Variants in CNTN5 observed in about 807,000 individuals in gnomAD.
CNTN5 encodes the protein contactin 5, also known as contactin-5.
CNTN5 carries 77 observed loss-of-function variants against 129.1 expected under a neutral mutation model. That is an observed-to-expected ratio of 0.60 (90% CI 0.50 to 0.72). CNTN5 has a LOEUF of 0.72. CNTN5 is among the 30% of genes least tolerant of loss of function. The pLI, the probability that CNTN5 is intolerant of heterozygous loss-of-function variation, is 0.00. For synonymous variants in CNTN5, 509 were observed against 465.6 expected (o/e 1.09, Z -1.20); for missense variants, 1,478 against 1,328.8 (o/e 1.11, Z -1.75).
At chr11:100,251,143 T>C (rs568345356) in intron 16 of CNTN5, among the ~76,000 whole-genome samples, 2 of 152,318 alleles carry the variant, frequency 1.3e-5, no homozygotes, top group East Asian at 1.9e-4. Context: ...CAGTTAGCCA[T>C]TGCTGCCCCA....
intron 2 of CNTN5, among the ~76,000 whole-genome samples, chr11:99,537,285 G>C (rs551809569): frequency 1.3e-5 from 2 of 152,176 alleles, no homozygotes; most frequent in East Asian, 3.9e-4. Context: ...GAAAATTACA[G>C]AATACATATC....
At chr11:100,137,262 T>C (rs1946557306) in intron 13 of CNTN5, among the ~76,000 whole-genome samples, 2 of 152,098 alleles carry the variant, frequency 1.3e-5, no homozygotes, top group Admixed American at 1.3e-4. Context: ...GTTTTACCCA[T>C]ATAGGAGGCT....
At chr11:99,837,316 A>C (rs1450020672) in intron 4 of CNTN5, among the ~76,000 whole-genome samples, 3 of 152,164 alleles carry the variant, frequency 2.0e-5, no homozygotes, top group Non-Finnish European at 4.4e-5. Context: ...ACTATAACAA[A>C]TTACTTCTTA....
intron 2 of CNTN5, among the ~76,000 whole-genome samples, chr11:99,332,664 G>A (rs1390020298): frequency 6.6e-6 from 1 of 151,974 alleles, no homozygotes; most frequent in African/African-American, 2.4e-5. Context: ...AGGAGAATTG[G>A]CAACCACGCC....
chr11:100,067,509 G>A (rs1943743710), intron 10 of CNTN5, among the ~76,000 whole-genome samples: 2 of 151,308 alleles, frequency 1.3e-5, no homozygotes, highest in Non-Finnish European at 2.9e-5. Context: ...GCAACATAGA[G>A]ATAAAGCTAC....
At chr11:99,655,863 T>A (rs912161295) in intron 3 of CNTN5, among the ~76,000 whole-genome samples, 2 of 152,030 alleles carry the variant, frequency 1.3e-5, no homozygotes, top group African/African-American at 4.8e-5. Flanking sequence ...TCCAAATAAA[T>A]GTGTGAACTT....
At chr11:99,716,492 T>A (rs1955237230) in intron 3 of CNTN5, among the ~76,000 whole-genome samples, 1 of 151,988 alleles carries the variant, frequency 6.6e-6, no homozygotes, top group Admixed American at 6.6e-5. Flanking sequence ...ATGTTGACAT[T>A]AATCACCTTC....
intron 8 of CNTN5, among the ~76,000 whole-genome samples, chr11:99,982,213 G>A (rs575636701): frequency 1.1e-4 from 17 of 152,328 alleles, no homozygotes; most frequent in Admixed American, 8.5e-4. Context: ...GGCTATGGTA[G>A]TCAAGTGGAA....
At chr11:100,041,571 T>C (rs1436394149) in intron 9 of CNTN5, among the ~76,000 whole-genome samples, 4 of 152,196 alleles carry the variant, frequency 2.6e-5, no homozygotes, top group African/African-American at 9.7e-5. Context: ...CCCATTTTGC[T>C]GGATACAAGG....
intron 8 of CNTN5, among the ~76,000 whole-genome samples, chr11:99,974,439 T>C (rs1268015837): frequency 6.6e-6 from 1 of 152,186 alleles, no homozygotes. Context: ...CATTGGGATA[T>C]TGGATTAATT....
chr11:99,477,760 GC>G (rs1395545907), intron 2 of CNTN5, among the ~76,000 whole-genome samples: 2 of 150,876 alleles, frequency 1.3e-5, no homozygotes, highest in East Asian at 1.9e-4. Context: ...GACCAACCTG[GC>G]CAATATAGTG....
chr11:99,670,564 C>T (rs1018344863), intron 3 of CNTN5, among the ~76,000 whole-genome samples: 1 of 152,166 alleles, frequency 6.6e-6, no homozygotes, highest in African/African-American at 2.4e-5. Context: ...GAAAAACCAC[C>T]TCACTAGTAT....
chr11:99,504,948 G>T (rs1261982494), intron 2 of CNTN5, among the ~76,000 whole-genome samples: 1 of 152,092 alleles, frequency 6.6e-6, no homozygotes, highest in Non-Finnish European at 1.5e-5. Flanking sequence ...AAAAAGCAGG[G>T]GAAAGAGGCA....
At chr11:99,112,938 G>A (rs1471320319) in intron 1 of CNTN5, among the ~76,000 whole-genome samples, 5 of 151,588 alleles carry the variant, frequency 3.3e-5, no homozygotes, top group East Asian at 1.9e-4. Context: ...TGTACTAAAC[G>A]TTACAGTGAG....
intron 1 of CNTN5, among the ~76,000 whole-genome samples, chr11:99,081,620 G>T (rs889834342): frequency 1.3e-5 from 2 of 152,010 alleles, no homozygotes; most frequent in Non-Finnish European, 2.9e-5. Context: ...CCACTGTAAG[G>T]TACAGCACTG....
At chr11:99,501,111 T>A (rs2135382421) in intron 2 of CNTN5, among the ~76,000 whole-genome samples, 1 of 152,280 alleles carries the variant, frequency 6.6e-6, no homozygotes, top group Admixed American at 6.5e-5. Context: ...ATGATTGCAT[T>A]ATGTCAGAAA....
Position 100,339,274 on chromosome 11 carries a change from A to G in CNTN5, c.2731-1189A>G, listed in dbSNP as rs78787007. 2.4e-4 allele frequency among the ~76,000 whole-genome samples: 37 copies of G among 152,142 alleles called. No homozygotes were observed. The East Asian group carries it at 7.0e-3, about 29-fold the overall frequency. On this transcript the variant is annotated intron_variant, in intron 21 of 24. Transcript: ENST00000524871. ...GGTCCCGAGCTCTTGTCTGGTGTCC[A>G]AGAAGAATGAGGTCATATGGATGAA...
intron 1 of CNTN5, among the ~76,000 whole-genome samples, chr11:99,290,821 G>A (rs1565466351): frequency 6.6e-6 from 1 of 151,784 alleles, no homozygotes; most frequent in Non-Finnish European, 1.5e-5. Flanking sequence ...CTGATGAAAT[G>A]TCGGTTTGGT....
chr11:99,837,533 T>G (rs1213646386), intron 4 of CNTN5, among the ~76,000 whole-genome samples: 2 of 152,056 alleles, frequency 1.3e-5, no homozygotes, highest in Non-Finnish European at 2.9e-5. Context: ...CTTTTTTTTG[T>G]ATCTAGTCCT....
Sources: gnomAD v4.1 joint callset for allele counts (sites outside exome capture counted in the v4.1 genomes callset) on GRCh38, gnomAD v4.1.1 for gene constraint, MANE v1.5 for transcripts, NCBI Gene and HGNC (gene_info 2026-07-23, HGNC 2026-07-21) for gene names.